Variants in NAF1 observed in about 807,000 individuals in gnomAD.
NAF1 encodes H/ACA ribonucleoprotein complex non-core subunit NAF1.
In NAF1, 11 loss-of-function variants were observed where a neutral mutation model predicts 40.6. The ratio of observed to expected loss-of-function variants is 0.27; its 90% CI spans 0.17 to 0.45. NAF1 has a LOEUF of 0.45. NAF1 is among the 20% of genes least tolerant of loss of function. NAF1 has a pLI of 1.00. For synonymous variants in NAF1, 260 were observed against 228.5 expected, an observed-to-expected ratio of 1.14 and a Z score of -1.24; for missense variants, 607 against 611.1, an observed-to-expected ratio of 0.99 and a Z score of 0.07.
chr4:163,137,073 G>C, intron 6 of NAF1, 126 bp downstream of exon 6: 1 of 1,006,318 alleles, frequency 9.9e-7, no homozygotes, highest in South Asian at 1.5e-5. Context: ...CATGCGCTAG[G>C]ACAGGATAAG....
At chr4:163,118,284 C>T (rs1730411637) in intron 2 of NAF1, among the ~76,000 whole-genome samples, 1 of 152,142 alleles carries the variant, frequency 6.6e-6, no homozygotes, top group African/African-American at 2.4e-5. Context: ...CTTCTCTGTA[C>T]TAGAGTAGGG....
downstream of NAF1, among the ~76,000 whole-genome samples, chr4:163,105,364 C>T (rs1341718998): frequency 1.3e-5 from 2 of 152,162 alleles, no homozygotes; most frequent in Admixed American, 1.3e-4. Context: ...TAACACAATG[C>T]CTGGTGTATA....
intron 2 of NAF1, among the ~76,000 whole-genome samples, chr4:163,120,571 G>C (rs2110837063): frequency 6.6e-6 from 1 of 152,298 alleles, no homozygotes; most frequent in Admixed American, 6.5e-5. Context: ...TATATGAGTA[G>C]AAATGAAAGG....
At chr4:163,116,650 C>T (rs753486142) in intron 2 of NAF1, among the ~76,000 whole-genome samples, 58 of 152,174 alleles carry the variant, frequency 3.8e-4, no homozygotes, top group African/African-American at 1.4e-3. Flanking sequence ...TCAGACAACT[C>T]CTGTGTTCCA....
At position 163,128,939 on chromosome 4, in the gene NAF1, G is replaced by GGGTGGAGGAGGCAGT. The variant is rs761231158; in HGVS notation, c.1428_1442dup (p.Leu477_Pro481dup). ...AATGAGAATTACTATCTCCAGAAGA[G>GGGTGGAGGAGGCAGT]GGTGGAGGAGGCAGTGGTGGAGGGG... On this transcript the variant is annotated inframe_insertion, in exon 8 of 8. Transcript: ENST00000274054. The GGGTGGAGGAGGCAGT allele has an allele frequency of 6.5e-7, 1 of 1,545,918 alleles. No individual in the cohort carries two copies. The highest frequency in any genetic ancestry group is 1.7e-5 in the Admixed American group (1 of 57,548).
chr4:163,146,847 T>C (rs1256375101), intron 3 of NAF1, among the ~76,000 whole-genome samples: 2 of 152,198 alleles, frequency 1.3e-5, no homozygotes, highest in African/African-American at 4.8e-5. Flanking sequence ...TTACTCTTTA[T>C]TCCCATTAGG....
intron 2 of NAF1, among the ~76,000 whole-genome samples, chr4:163,154,094 C>T (rs537831019): frequency 8.2e-4 from 124 of 152,136 alleles, no homozygotes; most frequent in African/African-American, 3.0e-3. Flanking sequence ...ACTCCGAACA[C>T]ATCTGAACAT....
chr4:163,166,236 C>G, intron 1 of NAF1, 127 bp downstream of exon 1: 2 of 1,213,930 alleles, frequency 1.6e-6, no homozygotes, highest in Non-Finnish European at 2.2e-6. Flanking sequence ...CACGTGAGCC[C>G]GGAGCACCAA....
chr4:163,130,237 T>C (rs1451898403), intron 7 of NAF1, among the ~76,000 whole-genome samples: 1 of 152,030 alleles, frequency 6.6e-6, no homozygotes, highest in Non-Finnish European at 1.5e-5. Context: ...CCAGGAAGAC[T>C]TCAAATTCAA....
At chr4:163,150,334 C>T (rs937331437) in intron 2 of NAF1, among the ~76,000 whole-genome samples, 13 of 152,026 alleles carry the variant, frequency 8.6e-5, no homozygotes, top group African/African-American at 3.1e-4. Flanking sequence ...TGAAAATTCC[C>T]CTACTTTATT....
chr4:163,149,878 A>G (rs946231544), intron 2 of NAF1, among the ~76,000 whole-genome samples: 1 of 152,056 alleles, frequency 6.6e-6, no homozygotes, highest in Non-Finnish European at 1.5e-5. Flanking sequence ...ATTTTGGGGG[A>G]CTGCAGAGAA....
intron 2 of NAF1, among the ~76,000 whole-genome samples, chr4:163,159,379 G>C (rs1434500762): frequency 6.6e-6 from 1 of 152,020 alleles, no homozygotes; most frequent in African/African-American, 2.4e-5. Context: ...CTATCAAAGT[G>C]TATTCTAAAA....
rs532832270 is a variant in NAF1, at chr4:163,155,911, T to C, written c.541-7477A>G. Among the ~76,000 whole-genome samples the C allele has an allele frequency of 7.9e-4, 118 of 148,642 alleles. 1 individual carries two copies. The highest frequency in any genetic ancestry group is 2.7e-3 in the African/African-American group (111 of 40,378). The stretch of plus-strand genomic sequence containing the variant: ...TACAAAGAATTAGATGTAAAAGGCA[T>C]ACTAATAAACTAAAAAAATTGAAGG... On this transcript the variant is annotated intron_variant, in intron 2 of 7. Coordinates refer to ENST00000274054, the MANE Select transcript of NAF1 (RefSeq NM_138386.3).
In NAF1 at chr4:163,129,048, G is replaced by C. The variant is rs776473243; in HGVS notation, c.1334C>G (p.Pro445Arg). 3 of 1,538,684 alleles carry C rather than the reference G, an allele frequency of 1.9e-6. No individual in the cohort carries two copies. Among genetic ancestry groups the C allele is most frequent in the East Asian group, 4.9e-5 (2 of 40,882 alleles). The change falls in exon 8 of 8, where the codon CCA (proline) becomes CGA (arginine). Residue 445 changes from proline (P) to arginine (R), a missense_variant. By Grantham distance (103) the Pro-to-Arg change is moderately radical. Around this residue, in one of 3 missense-constraint regions of NAF1, gnomAD observed 189 missense variants for 216.6 expected, o/e 0.87. Coordinates refer to ENST00000274054, the MANE Select transcript of NAF1 (RefSeq NM_138386.3). The part of the protein sequence containing the change: ...PLRPPPPPPP[P>R]PVNMGWATPN... The stretch of plus-strand genomic sequence containing the variant: ...TGTAGCCCAACCCATGTTTACAGGT[G>C]GGGGTGGTGGTGGGGGTGGAGGGCG...
At chr4:163,130,005 A>C (rs927444848) in intron 7 of NAF1, among the ~76,000 whole-genome samples, 5 of 152,160 alleles carry the variant, frequency 3.3e-5, no homozygotes, top group African/African-American at 9.7e-5. Flanking sequence ...AGCAGTAACA[A>C]GGCACCCCTT....
At chr4:163,127,076 C>G, downstream of NAF1, 1 of 1,551,622 alleles carries the variant, frequency 6.4e-7, no homozygotes, top group Non-Finnish European at 8.7e-7. Flanking sequence ...CTGCAATGGT[C>G]TGGATCCGAG....
chr4:163,115,212 T>TC (rs1730294952), intron 2 of NAF1, among the ~76,000 whole-genome samples: 1 of 72,564 alleles, frequency 1.4e-5, no homozygotes, highest in South Asian at 4.4e-4. Context: ...TTTTTATTTA[T>TC]TTTTTTTTTT....
At chr4:163,132,396 A>G (rs1730906192) in intron 7 of NAF1, among the ~76,000 whole-genome samples, 1 of 152,278 alleles carries the variant, frequency 6.6e-6, no homozygotes, top group Admixed American at 6.5e-5. Context: ...AAGAGGAACA[A>G]ACTATTATTG....
chr4:163,151,364 A>C (rs1233232834), intron 2 of NAF1, among the ~76,000 whole-genome samples: 1 of 147,500 alleles, frequency 6.8e-6, no homozygotes, highest in African/African-American at 2.5e-5. Flanking sequence ...TTATTTCTCT[A>C]GTTTTTTTTT....
Sources: gnomAD v4.1 joint callset for allele counts (sites outside exome capture counted in the v4.1 genomes callset) on GRCh38, gnomAD v4.1.1 for gene constraint, gnomAD v4.1.1 regional missense constraint, MANE v1.5 for transcripts, NCBI Gene and HGNC (gene_info 2026-07-23, HGNC 2026-07-21) for gene names.